Variants in MBIP observed in about 807,000 individuals in gnomAD.
MBIP encodes the protein MAP3K12 binding inhibitory protein 1.
MBIP carries 32 observed loss-of-function variants against 45.7 expected under a neutral mutation model. The observed-to-expected ratio is 0.70, with a 90% CI of 0.53 to 0.94. The LOEUF (loss-of-function observed/expected upper bound fraction) is 0.94, where lower values mean the gene tolerates loss of function less well. Among genes scored for constraint, MBIP ranks in the 40% least tolerant of loss-of-function variants. MBIP has a pLI of 0.00. For synonymous variants in MBIP, 145 were observed against 141.0 expected (o/e 1.03, Z -0.20); for missense variants, 381 against 405.5 (o/e 0.94, Z 0.52).
intron 1 of MBIP, among the ~76,000 whole-genome samples, chr14:36,317,623 G>C (rs1309629022): frequency 6.6e-6 from 1 of 152,000 alleles, no homozygotes; most frequent in Non-Finnish European, 1.5e-5. Context: ...CTGAATATAA[G>C]ATTATTATCA....
intron 2 of MBIP, among the ~76,000 whole-genome samples, chr14:36,315,813 C>G (rs1384138225): frequency 6.6e-6 from 1 of 152,086 alleles, no homozygotes. Flanking sequence ...TTCCATTAGT[C>G]AAAACACACT....
intron 6 of MBIP, among the ~76,000 whole-genome samples, chr14:36,310,867 C>T (rs999403924): frequency 6.6e-6 from 1 of 152,132 alleles, no homozygotes; most frequent in African/African-American, 2.4e-5. Context: ...AAATTACAAA[C>T]CCCCTTCAAT....
intron 1 of MBIP, among the ~76,000 whole-genome samples, chr14:36,320,202 G>A (rs1031204557): frequency 6.6e-6 from 1 of 152,054 alleles, no homozygotes; most frequent in African/African-American, 2.4e-5. Flanking sequence ...TGCCTCTCTC[G>A]GAGCCGGGTT....
chr14:36,311,920 T>C, intron 5 of MBIP, 39 bp downstream of exon 5: 2 of 1,442,778 alleles, frequency 1.4e-6, no homozygotes, highest in Non-Finnish European at 1.9e-6. Context: ...TAATCTAGAC[T>C]TCTGTCAGTG....
intron 7 of MBIP, among the ~76,000 whole-genome samples, chr14:36,301,585 A>G (rs949717008): frequency 1.3e-5 from 1 of 77,468 alleles, no homozygotes; most frequent in African/African-American, 2.9e-5. Context: ...AGCAGAGTTA[A>G]GAGGGGAAAG....
intron 6 of MBIP, among the ~76,000 whole-genome samples, chr14:36,309,529 T>C (rs1329774298): frequency 6.6e-6 from 1 of 152,354 alleles, no homozygotes; most frequent in East Asian, 1.9e-4. Flanking sequence ...AATTAAAGAA[T>C]ACGGGTAAAT....
intron 8 of MBIP, among the ~76,000 whole-genome samples, chr14:36,300,268 G>T (rs1879461009): frequency 6.6e-6 from 1 of 152,046 alleles, no homozygotes; most frequent in South Asian, 2.1e-4. Flanking sequence ...AACTTACTCA[G>T]AATTTTACAA....
intron 7 of MBIP, among the ~76,000 whole-genome samples, chr14:36,305,960 A>G (rs541189434): frequency 2.0e-5 from 3 of 152,156 alleles, no homozygotes; most frequent in Non-Finnish European, 4.4e-5. Flanking sequence ...CTAAGCTAGC[A>G]TAATACTATC....
At chr14:36,299,460 TAAA>T (rs34724648) in intron 8 of MBIP, among the ~76,000 whole-genome samples, 14 of 143,226 alleles carry the variant, frequency 9.8e-5, no homozygotes, top group East Asian at 2.0e-4. Flanking sequence ...AAGAATAAGT[TAAA>T]AAAAAAAAAA....
chr14:36,311,087 T>G lies in MBIP; in HGVS notation c.790+486A>C, dbSNP rs576197382. ...GACAGAAGTGGGCAGATTTGAGAGATATTTATTTAGAAAACAGAATCAACA... is the reference window on the plus strand; with the variant it reads ...GACAGAAGTGGGCAGATTTGAGAGAGATTTATTTAGAAAACAGAATCAACA... On this transcript the variant is annotated intron_variant, in intron 6 of 8. Coordinates refer to ENST00000416007, the MANE Select transcript of MBIP (RefSeq NM_016586.3). Among the ~76,000 whole-genome samples the G allele has an allele frequency of 1.1e-4, 17 of 152,248 alleles. No individual in the cohort carries two copies. The South Asian group carries it at 3.5e-3, about 32-fold the overall frequency.
intron 7 of MBIP, among the ~76,000 whole-genome samples, chr14:36,301,649 C>T (rs1237831837): frequency 6.6e-6 from 1 of 152,220 alleles, no homozygotes; most frequent in African/African-American, 2.4e-5. Flanking sequence ...AAATCTGAAG[C>T]TTGTGCTACC....
intron 7 of MBIP, among the ~76,000 whole-genome samples, chr14:36,303,682 A>G (rs1879705506): frequency 1.3e-5 from 2 of 152,210 alleles, no homozygotes; most frequent in South Asian, 4.1e-4. Flanking sequence ...TGTCATACAC[A>G]CGTTCACGCA....
At chr14:36,315,659 C>T (rs989607200) in intron 2 of MBIP, among the ~76,000 whole-genome samples, 9 of 152,036 alleles carry the variant, frequency 5.9e-5, no homozygotes, top group African/African-American at 2.2e-4. Context: ...TGTTCCCCTC[C>T]CCCACTCCCC....
At chr14:36,299,847 C>G (rs1879429154) in intron 8 of MBIP, among the ~76,000 whole-genome samples, 1 of 151,978 alleles carries the variant, frequency 6.6e-6, no homozygotes, top group Non-Finnish European at 1.5e-5. Flanking sequence ...TATGTGAACA[C>G]CCTCACTTAT....
At chr14:36,309,252 C>G (rs796526982) in intron 6 of MBIP, among the ~76,000 whole-genome samples, 1 of 152,166 alleles carries the variant, frequency 6.6e-6, no homozygotes, top group Non-Finnish European at 1.5e-5. Flanking sequence ...ACCCAGCACT[C>G]CCTTATCCTC....
At chr14:36,306,788 T>C (rs140542827) in intron 7 of MBIP, among the ~76,000 whole-genome samples, 122 of 152,340 alleles carry the variant, frequency 8.0e-4, no homozygotes, top group East Asian at 2.9e-3. Flanking sequence ...GAAAAACTTA[T>C]GGTAGACTAC....
rs762392490 is a variant in MBIP, at chr14:36,314,594, T to C, written c.489A>G (p.Ile163Met). The C allele has an allele frequency of 2.5e-6, 4 of 1,610,718 alleles. No homozygotes were observed. The highest frequency in any genetic ancestry group is 1.1e-5 in the South Asian group (1 of 89,984). The change falls in exon 4 of 9, where the codon ATA (isoleucine) becomes ATG (methionine). Residue 163 changes from isoleucine to methionine, a missense_variant. Physicochemically the swap from Ile to Met is conservative, Grantham distance 10 (BLOSUM62 1). Coordinates refer to ENST00000416007, the MANE Select transcript of MBIP (RefSeq NM_016586.3). ...CTTGCTTTCTTTCAATAAATGCAGA[T>C]ATTCGTCTGTCAATCTACAAACAAC... is the stretch of plus-strand genomic sequence containing the variant. ...KAGKAEIDRRISAFIERKQAE... is the reference protein window; with the variant it reads ...KAGKAEIDRRMSAFIERKQAE...
chr14:36,306,827 G>T (rs1189698522), intron 7 of MBIP, among the ~76,000 whole-genome samples: 3 of 152,128 alleles, frequency 2.0e-5, no homozygotes, highest in African/African-American at 7.2e-5. Flanking sequence ...AAATCTTTAT[G>T]AAGTCTCCTA....
intron 7 of MBIP, among the ~76,000 whole-genome samples, chr14:36,301,311 C>T (rs1879533782): frequency 6.6e-6 from 1 of 152,212 alleles, no homozygotes; most frequent in Admixed American, 6.5e-5. Context: ...AAGCAGCTAC[C>T]TATCCACTAC....
Sources: allele counts gnomAD v4.1 joint callset (sites outside exome capture counted in the v4.1 genomes callset), GRCh38; gene constraint gnomAD v4.1.1; transcripts MANE v1.5; gene names NCBI Gene and HGNC (gene_info 2026-07-23, HGNC 2026-07-21).